The following KCNU1 variants were observed in gnomAD, a reference collection of about 807,000 sequenced individuals.
KCNU1 encodes potassium calcium-activated channel subfamily U member 1.
A neutral mutation model predicts 126.8 loss-of-function variants in KCNU1; 93 were observed. That is an observed-to-expected ratio of 0.73 (90% CI 0.62 to 0.87). The LOEUF is 0.87. KCNU1 is among the 40% of genes least tolerant of loss of function. KCNU1 has a pLI of 0.00. For missense variants in KCNU1, 1,330 were observed against 1,367.1 expected, an observed-to-expected ratio of 0.97 and a Z score of 0.43; for synonymous variants, 523 against 494.2, an observed-to-expected ratio of 1.06 and a Z score of -0.77.
At chr8:36,810,264 A>G (rs78962745) in intron 7 of KCNU1, among the ~76,000 whole-genome samples, 4 of 151,616 alleles carry the variant, frequency 2.6e-5, no homozygotes, top group African/African-American at 7.3e-5. Flanking sequence ...AAAAAAAAAA[A>G]GTAGCTTCTC....
chr8:36,864,337 G>A (rs548701332), intron 18 of KCNU1, 67 bp from the exon 19 acceptor site: 1 of 1,000,596 alleles, frequency 1.0e-6, no homozygotes, highest in Admixed American at 1.7e-5. Context: ...GCTCAGCCAA[G>A]GGGAATATTC....
intron 2 of KCNU1, among the ~76,000 whole-genome samples, chr8:36,796,795 T>C (rs1027432648): frequency 1.3e-5 from 2 of 152,214 alleles, no homozygotes; most frequent in East Asian, 1.9e-4. Context: ...AAGTGTCATA[T>C]AGCTGGATTT....
chr8:36,853,419 G>C (rs181042211), intron 18 of KCNU1, among the ~76,000 whole-genome samples: 178 of 152,148 alleles, frequency 1.2e-3, no homozygotes, highest in East Asian at 5.8e-4. Context: ...TAGAAGCATG[G>C]TGTATTTTTA....
chr8:36,827,733 A>G (rs1482522167), intron 10 of KCNU1, among the ~76,000 whole-genome samples: 4 of 152,196 alleles, frequency 2.6e-5, no homozygotes, highest in African/African-American at 9.6e-5. Flanking sequence ...GCTGATGGTC[A>G]TGTATCACAT....
chr8:36,839,362 T>C (rs1347342658), intron 14 of KCNU1, among the ~76,000 whole-genome samples: 15 of 152,196 alleles, frequency 9.9e-5, no homozygotes, highest in Non-Finnish European at 1.9e-4. Flanking sequence ...ACGCTATCAT[T>C]TTTTACCTTC....
rs1335506768 is a variant in KCNU1, at chr8:36,838,689, T to A, written c.1518+1744T>A. The stretch of plus-strand genomic sequence containing the variant: ...TCCAGCCTCAGCGACAGAGTGAGAC[T>A]CTGTCTCAAAAAAACCAATAAATGA... On this transcript the variant is annotated intron_variant, in intron 14 of 26. Coordinates refer to ENST00000399881, the MANE Select transcript of KCNU1 (RefSeq NM_001031836.3). Among the ~76,000 whole-genome samples the A allele has an allele frequency of 2.0e-5, 3 of 152,020 alleles. No individual in the cohort carries two copies. In the East Asian group the frequency reaches 5.8e-4, roughly 29 times the overall value.
intron 23 of KCNU1, among the ~76,000 whole-genome samples, chr8:36,919,321 AC>A (rs1196702920): frequency 1.3e-5 from 2 of 151,706 alleles, no homozygotes. Flanking sequence ...CATGTGGGGT[AC>A]AGACTTAGAG....
At chr8:36,927,787 G>T (rs1278059610) in intron 24 of KCNU1, among the ~76,000 whole-genome samples, 1 of 152,110 alleles carries the variant, frequency 6.6e-6, no homozygotes, top group Non-Finnish European at 1.5e-5. Context: ...AACATTGAAA[G>T]TCCAAGTTCC....
At chr8:36,796,133 T>C (rs771179641) in intron 2 of KCNU1, among the ~76,000 whole-genome samples, 3 of 152,244 alleles carry the variant, frequency 2.0e-5, no homozygotes, top group Non-Finnish European at 2.9e-5. Context: ...TTTTGGTTTC[T>C]TGTTTGATAC....
intron 22 of KCNU1, among the ~76,000 whole-genome samples, chr8:36,917,164 C>G (rs1396290376): frequency 6.6e-6 from 1 of 152,202 alleles, no homozygotes; most frequent in Non-Finnish European, 1.5e-5. Context: ...AGATTTCACT[C>G]TCTTCTAAGC....
At chr8:36,803,270 CAG>C (rs1323946641) in intron 2 of KCNU1, among the ~76,000 whole-genome samples, 3 of 152,066 alleles carry the variant, frequency 2.0e-5, no homozygotes, top group African/African-American at 7.2e-5. Flanking sequence ...AAATGAAATC[CAG>C]AGTTTCATTA....
intron 3 of KCNU1, 50 bp from the exon 4 acceptor site, chr8:36,805,145 A>G: frequency 7.4e-7 from 1 of 1,358,072 alleles, no homozygotes; most frequent in Non-Finnish European, 1.0e-6. Context: ...TTATATAGAC[A>G]CCACTTTAAA....
chr8:36,877,455 A>G (rs781441992), intron 19 of KCNU1, among the ~76,000 whole-genome samples: 3 of 151,404 alleles, frequency 2.0e-5, no homozygotes, highest in Non-Finnish European at 4.4e-5. Context: ...GGCGCCCACC[A>G]CCACACCCAG....
chr8:36,930,802 T>A (rs1385307967), intron 24 of KCNU1, 149 bp from the exon 25 acceptor site: 2 of 500,418 alleles, frequency 4.0e-6, no homozygotes, highest in Non-Finnish European at 6.7e-6. Context: ...ATCCTTCAGC[T>A]GCATTAGATA....
chr8:36,918,775 T>G lies in KCNU1; in HGVS notation c.2522-48T>G, dbSNP rs755906622. 4 of 1,122,102 alleles carry G rather than the reference T, an allele frequency of 3.6e-6. No homozygotes were observed. The East Asian group carries it at 9.4e-5, about 26-fold the overall frequency. The allele number at this position is 1,122,102 out of a possible 1,614,324, so 69.5% of individuals were successfully genotyped here. A position where few individuals can be genotyped will look rare whatever the true frequency, so the allele number is the denominator to read the frequency against. On this transcript the variant is annotated intron_variant, in intron 22 of 26. Transcript: ENST00000399881. ...ATATTCTTCTACATTTTTGACAAGTTTTGTAAGGCATTGTGTTTGCATTTA... is the reference window on the plus strand; with the variant it reads ...ATATTCTTCTACATTTTTGACAAGTGTTGTAAGGCATTGTGTTTGCATTTA...
At chr8:36,895,490 C>G (rs923302948) in intron 19 of KCNU1, among the ~76,000 whole-genome samples, 1 of 152,122 alleles carries the variant, frequency 6.6e-6, no homozygotes, top group African/African-American at 2.4e-5. Flanking sequence ...TTATTATTCA[C>G]TGCAGGTTTC....
intron 18 of KCNU1, among the ~76,000 whole-genome samples, chr8:36,847,538 G>T (rs761237112): frequency 3.6e-4 from 55 of 152,028 alleles, no homozygotes; most frequent in Non-Finnish European, 6.8e-4. Flanking sequence ...ACCACAAGTC[G>T]AGTCTCTACT....
chr8:36,899,443 T>G (rs1411295361), intron 19 of KCNU1, among the ~76,000 whole-genome samples: 2 of 152,130 alleles, frequency 1.3e-5, no homozygotes, highest in East Asian at 1.9e-4. Context: ...GTTTACATTC[T>G]CCTACGTAAA....
intron 14 of KCNU1, among the ~76,000 whole-genome samples, chr8:36,839,452 A>G (rs1296099771): frequency 2.0e-5 from 3 of 152,220 alleles, no homozygotes; most frequent in South Asian, 2.1e-4. Context: ...TGAACCACCT[A>G]ATAATCAGAG....
Sources: allele counts gnomAD v4.1 joint callset (sites outside exome capture counted in the v4.1 genomes callset), GRCh38; gene constraint gnomAD v4.1.1; transcripts MANE v1.5; gene names NCBI Gene and HGNC (gene_info 2026-07-23, HGNC 2026-07-21).